The following DLC1 variants were observed in gnomAD, a reference collection of about 807,000 sequenced individuals.
DLC1 encodes the protein DLC1 Rho GTPase activating protein, also known as rho GTPase-activating protein 7.
In DLC1, 54 loss-of-function variants were observed where a neutral mutation model predicts 140.3. That is an observed-to-expected ratio of 0.38 (90% confidence interval 0.31 to 0.48). DLC1 has a LOEUF of 0.48. DLC1 is among the 20% of genes least tolerant of loss of function. The pLI is 0.96. For missense variants in DLC1, 2,536 were observed against 1,907.0 expected, an observed-to-expected ratio of 1.33 and a Z score of -6.14; for synonymous variants, 986 against 728.1, an observed-to-expected ratio of 1.35 and a Z score of -5.70.
chr8:13,374,166 C>T (rs139065093), intron 4 of DLC1, among the ~76,000 whole-genome samples: 391 of 152,228 alleles, frequency 2.6e-3, no homozygotes, highest in Non-Finnish European at 4.7e-3. Flanking sequence ...AAATAGGTCT[C>T]AGAATAAAAA....
rs1362065845 is a variant in DLC1, at chr8:13,301,547, T to C, written c.1348+3722A>G. On this transcript the variant is annotated intron_variant, in intron 5 of 17. Coordinates refer to ENST00000276297, the MANE Select transcript of DLC1 (RefSeq NM_182643.3). The stretch of plus-strand genomic sequence containing the variant: ...AACATGGCAGATTCTTGATTTGTGT[T>C]CTGGAAATGAGGGAGATGAGGAAGT... 3.3e-5 allele frequency among the ~76,000 whole-genome samples: 5 copies of C among 152,228 alleles called. No homozygotes were observed. In the East Asian group the frequency reaches 9.6e-4, roughly 29 times the overall value.
At chr8:13,262,641 G>T (rs1830510807) in intron 5 of DLC1, among the ~76,000 whole-genome samples, 1 of 152,138 alleles carries the variant, frequency 6.6e-6, no homozygotes, top group African/African-American at 2.4e-5. Context: ...CTCACTTGCA[G>T]CCTTGAGCTC....
chr8:13,111,064 G>A (rs1193335784), intron 6 of DLC1, among the ~76,000 whole-genome samples: 1 of 152,192 alleles, frequency 6.6e-6, no homozygotes, highest in African/African-American at 2.4e-5. Flanking sequence ...TCTGGTCAAG[G>A]AGAAGTGGTT....
rs562857292 is a variant in DLC1 at position 13,597,834 on chromosome 8, C to A, written c.-126+6703G>T. On this transcript the variant is annotated intron_variant, in intron 1 of 1. Transcript: ENST00000631382. Reference sequence around the variant, plus strand: ...TAACAAACAAACTTATAGAAACATGCTGATCTATTTTTAATTTGAATTGCT... The same window carrying A: ...TAACAAACAAACTTATAGAAACATGATGATCTATTTTTAATTTGAATTGCT... Among the ~76,000 whole-genome samples the A allele has an allele frequency of 3.3e-5, 5 of 152,170 alleles. No homozygotes were observed. The East Asian group carries it at 9.7e-4, about 29-fold the overall frequency.
chr8:13,315,778 C>T (rs892739550), intron 4 of DLC1, among the ~76,000 whole-genome samples: 8 of 152,204 alleles, frequency 5.3e-5, no homozygotes, highest in South Asian at 4.1e-4. Flanking sequence ...GAGTCATATG[C>T]TCAGGTTTGC....
At chr8:13,106,771 T>A (rs1819600678) in intron 7 of DLC1, among the ~76,000 whole-genome samples, 1 of 152,244 alleles carries the variant, frequency 6.6e-6, no homozygotes, top group African/African-American at 2.4e-5. Flanking sequence ...AGTGTGGAAA[T>A]CTATTTTTCA....
At chr8:13,389,457 G>A (rs907918721) in intron 4 of DLC1, among the ~76,000 whole-genome samples, 2 of 152,110 alleles carry the variant, frequency 1.3e-5, no homozygotes, top group African/African-American at 2.4e-5. Flanking sequence ...TGTGTCAAAA[G>A]AACAAAACAA....
Position 13,495,333 on chromosome 8 carries a change from A to C in DLC1, c.1023+3716T>G, listed in dbSNP as rs1801452717. On this transcript the variant is annotated intron_variant, in intron 2 of 17. Transcript: ENST00000276297. ...CATCTTCACATCTCATCTGGTTTAAAGAGACCACTTCTTAGACTGTCTCCC... is the reference window on the plus strand; with the variant it reads ...CATCTTCACATCTCATCTGGTTTAACGAGACCACTTCTTAGACTGTCTCCC... Among the ~76,000 whole-genome samples, 3 of 152,180 alleles carry C rather than the reference A, an allele frequency of 2.0e-5. No homozygotes were observed. In the South Asian group the frequency reaches 6.2e-4, roughly 31 times the overall value.
intron 4 of DLC1, among the ~76,000 whole-genome samples, chr8:13,332,459 C>G (rs543452236): frequency 6.8e-6 from 1 of 146,210 alleles, no homozygotes; most frequent in South Asian, 2.1e-4. Flanking sequence ...AAGATGGGGT[C>G]TCGCTGTTTT....
chr8:13,091,755 G>A (rs1162453928), intron 13 of DLC1, among the ~76,000 whole-genome samples: 1 of 152,104 alleles, frequency 6.6e-6, no homozygotes, highest in Non-Finnish European at 1.5e-5. Flanking sequence ...TGAGGAGTGT[G>A]GGAAAGGAGT....
intron 1 of DLC1, among the ~76,000 whole-genome samples, chr8:13,598,771 C>T (rs1805766521): frequency 6.6e-6 from 1 of 151,950 alleles, no homozygotes; most frequent in Non-Finnish European, 1.5e-5. Flanking sequence ...GACAAAGCAA[C>T]TCCAAGTCAA....
chr8:13,252,096 T>G (rs1341564327), intron 5 of DLC1, among the ~76,000 whole-genome samples: 1 of 152,196 alleles, frequency 6.6e-6, no homozygotes, highest in Non-Finnish European at 1.5e-5. Context: ...TATGGATGTG[T>G]GCCTGGATAA....
intron 5 of DLC1, among the ~76,000 whole-genome samples, chr8:13,162,260 C>G (rs1013507273): frequency 6.6e-6 from 1 of 152,240 alleles, no homozygotes; most frequent in African/African-American, 2.4e-5. Flanking sequence ...TGAAGAATAT[C>G]GAAATGAAAG....
chr8:13,225,056 T>A (rs1170639585), intron 5 of DLC1, among the ~76,000 whole-genome samples: 1 of 152,166 alleles, frequency 6.6e-6, no homozygotes, highest in African/African-American at 2.4e-5. Context: ...TTCTTGAAGA[T>A]CCCAGCCACT....
intron 5 of DLC1, among the ~76,000 whole-genome samples, chr8:13,215,548 T>C (rs1048261749): frequency 6.6e-6 from 1 of 152,178 alleles, no homozygotes; most frequent in African/African-American, 2.4e-5. Flanking sequence ...ATCACGCCAC[T>C]GCACTCCAGC....
chr8:13,547,260 A>C (rs12548673), intron 1 of DLC1, among the ~76,000 whole-genome samples: 42,707 of 151,792 alleles, frequency 0.28, 6,230 homozygotes, highest in Admixed American at 0.3. Context: ...TATTACTGAA[A>C]AATTATTAAT....
At chr8:13,300,566 G>A (rs1214608809) in intron 5 of DLC1, among the ~76,000 whole-genome samples, 1 of 152,166 alleles carries the variant, frequency 6.6e-6, no homozygotes, top group Non-Finnish European at 1.5e-5. Context: ...ACAGAAAGGA[G>A]GGAAGTCCTT....
At chr8:13,416,884 A>AACTTTTTTTTTTC (rs1838088536) in intron 2 of DLC1, among the ~76,000 whole-genome samples, 1 of 152,086 alleles carries the variant, frequency 6.6e-6, no homozygotes, top group African/African-American at 2.4e-5. Context: ...AGTGAGAAAA[A>AACTTTTTTTTTTC]ACTTTTTTTT....
chr8:13,233,023 A>G (rs2697751), intron 5 of DLC1, among the ~76,000 whole-genome samples: 79,098 of 152,002 alleles, frequency 0.52, 20,977 homozygotes, highest in East Asian at 0.83. Context: ...GGCTGGGTGC[A>G]GTGCCTCATG....
Sources: allele counts gnomAD v4.1 joint callset (sites outside exome capture counted in the v4.1 genomes callset), GRCh38; gene constraint gnomAD v4.1.1; transcripts MANE v1.5; gene names NCBI Gene and HGNC (gene_info 2026-07-23, HGNC 2026-07-21).